TRPC5: variants seen among roughly 807,000 people sequenced by gnomAD.
The protein encoded by TRPC5 is transient receptor potential cation channel subfamily C member 5, also known as short transient receptor potential channel 5.
TRPC5 carries 9 observed loss-of-function variants against 56.5 expected under a neutral mutation model. That is an observed-to-expected ratio of 0.16 (90% CI 0.10 to 0.28). The LOEUF is 0.28. Among genes scored for constraint, TRPC5 ranks in the 10% least tolerant of loss-of-function variants. TRPC5 has a pLI of 1.00. For missense variants in TRPC5, 469 were observed against 748.9 expected (o/e 0.63, Z 4.36); for synonymous variants, 282 against 278.5 (o/e 1.01, Z -0.13).
chrX:111,793,420 C>T (rs775502836), intron 7 of TRPC5, among the ~76,000 whole-genome samples: 4 of 112,153 alleles, frequency 3.6e-5, no homozygotes, highest in African/African-American at 1.3e-4. Context: ...GAAGAAGATA[C>T]ATAAATGGAC....
At chrX:111,796,949 T>C (rs1921117882) in intron 7 of TRPC5, among the ~76,000 whole-genome samples, 1 of 112,432 alleles carries the variant, frequency 8.9e-6, no homozygotes, top group African/African-American at 3.2e-5. Flanking sequence ...GCTGCTGTGC[T>C]GTTAAAAAAT....
intron 1 of TRPC5, among the ~76,000 whole-genome samples, chrX:112,011,440 T>G (rs770020084): frequency 1.8e-5 from 2 of 112,084 alleles, no homozygotes; most frequent in East Asian, 5.6e-4. Context: ...ATTTGCTGCC[T>G]CTTATCAGCT....
intron 3 of TRPC5, among the ~76,000 whole-genome samples, chrX:111,887,714 GA>G (rs1350348877): frequency 8.9e-6 from 1 of 111,806 alleles, no homozygotes; most frequent in Non-Finnish European, 1.9e-5. Context: ...GAAAGCACTA[GA>G]AACATAAAAC....
intron 1 of TRPC5, among the ~76,000 whole-genome samples, chrX:112,008,599 CAAA>C (rs771663324): frequency 0.05 from 3,709 of 73,978 alleles, 211 homozygotes; most frequent in African/African-American, 0.16. Flanking sequence ...GACTCTGTCT[CAAA>C]AAAAAAAAAA....
chrX:111,783,719 T>G (rs1276008380), intron 7 of TRPC5, among the ~76,000 whole-genome samples: 1 of 111,134 alleles, frequency 9.0e-6, no homozygotes, highest in African/African-American at 3.3e-5. Flanking sequence ...TGTCTTTTCA[T>G]TCTCTTAATG....
intron 1 of TRPC5, among the ~76,000 whole-genome samples, chrX:112,074,508 T>A (rs192753809): frequency 9.0e-6 from 1 of 110,631 alleles, no homozygotes; most frequent in African/African-American, 3.3e-5. Flanking sequence ...ATTTCTTTTT[T>A]TAAAATCTCC....
At chrX:111,804,961 T>A (rs1260007834) in intron 7 of TRPC5, among the ~76,000 whole-genome samples, 4 of 112,146 alleles carry the variant, frequency 3.6e-5, no homozygotes, top group Non-Finnish European at 5.6e-5. Context: ...GTTTTTGCAC[T>A]TTCAGAATGA....
At chrX:111,793,487 A>AACCAC (rs756082132) in intron 7 of TRPC5, among the ~76,000 whole-genome samples, 3 of 111,924 alleles carry the variant, frequency 2.7e-5, no homozygotes, top group Non-Finnish European at 5.6e-5. Flanking sequence ...TTCAAATCAA[A>AACCAC]ACCACAATGA....
chrX:111,797,655 C>A (rs2148558447), intron 7 of TRPC5, among the ~76,000 whole-genome samples: 1 of 111,976 alleles, frequency 8.9e-6, no homozygotes, highest in African/African-American at 3.2e-5. Flanking sequence ...TTTATTTCAA[C>A]ATTTCTTTCT....
chrX:111,790,333 C>T lies in TRPC5; in HGVS notation c.1897-8195G>A, dbSNP rs779059830. On this transcript the variant is annotated intron_variant, in intron 7 of 10. Transcript: ENST00000262839. ...GACAGAAAACCACACACTGCATGTTCTCACTCATAGGTGGGAATTGAACAA... is the reference window on the plus strand; with the variant it reads ...GACAGAAAACCACACACTGCATGTTTTCACTCATAGGTGGGAATTGAACAA... 2.7e-5 allele frequency among the ~76,000 whole-genome samples: 3 copies of T among 111,340 alleles called. No homozygotes were observed. In the South Asian group the frequency reaches 1.2e-3, roughly 44 times the overall value.
intron 3 of TRPC5, chrX:111,881,867 A>G (rs1329630865): frequency 1.8e-5 from 2 of 110,939 alleles, no homozygotes; most frequent in East Asian, 5.7e-4. Flanking sequence ...GCCGAGATAG[A>G]AATATACTTC....
intron 1 of TRPC5, among the ~76,000 whole-genome samples, chrX:111,964,907 C>T (rs1281257487): frequency 5.4e-5 from 6 of 111,950 alleles, no homozygotes; most frequent in Admixed American, 9.5e-5. Flanking sequence ...TAGGAAGAAA[C>T]TGCATCAACT....
Position 111,919,098 on chromosome X carries a change from A to T in TRPC5, c.379-6286T>A, listed in dbSNP as rs538904840. 4.5e-4 allele frequency among the ~76,000 whole-genome samples: 50 copies of T among 111,483 alleles called. No homozygotes were observed. The South Asian group carries it at 7.3e-3, about 16-fold the overall frequency. On this transcript the variant is annotated intron_variant, in intron 2 of 10. Coordinates refer to ENST00000262839, the MANE Select transcript of TRPC5 (RefSeq NM_012471.3). Reference sequence around the variant, plus strand: ...TGACTGTGTCCACACTATTTTGAGGAGGGCTTCTGAGAGGTGAAGCCAGCT... The same window carrying T: ...TGACTGTGTCCACACTATTTTGAGGTGGGCTTCTGAGAGGTGAAGCCAGCT...
At chrX:111,944,303 T>TGAGAGAGA (rs774055316) in intron 2 of TRPC5, among the ~76,000 whole-genome samples, 4 of 61,379 alleles carry the variant, frequency 6.5e-5, no homozygotes, top group African/African-American at 3.2e-4. Context: ...TGTGTGTGTG[T>TGAGAGAGA]GAGAGAGAGA....
intron 1 of TRPC5, among the ~76,000 whole-genome samples, chrX:111,997,934 A>G (rs1417305350): frequency 1.8e-5 from 2 of 111,196 alleles, no homozygotes; most frequent in Admixed American, 1.9e-4. Context: ...AATGGGTTCA[A>G]ACATCCTCCT....
chrX:111,866,782 A>T (rs1265109642), intron 3 of TRPC5, among the ~76,000 whole-genome samples: 2 of 112,478 alleles, frequency 1.8e-5, no homozygotes, highest in Non-Finnish European at 3.8e-5. Flanking sequence ...GCCCCTCACC[A>T]GTCTACTGTA....
At chrX:111,782,553 A>G in intron 7 of TRPC5, among the ~76,000 whole-genome samples, 1 of 111,365 alleles carries the variant, frequency 9.0e-6, no homozygotes, top group Non-Finnish European at 1.9e-5. Context: ...AGAGCACAAC[A>G]TATATTATGT....
In TRPC5 at chrX:111,854,229, G is replaced by T. The variant is rs1603058091; in HGVS notation, c.901-123C>A. Reference sequence around the variant, plus strand: ...GTTACATGGCCAATCCCCAGAAGAGGCCTGTTTTCTAGGTGCCTGTGAATG... The same window carrying T: ...GTTACATGGCCAATCCCCAGAAGAGTCCTGTTTTCTAGGTGCCTGTGAATG... On this transcript the variant is annotated intron_variant, in intron 3 of 10. Coordinates refer to ENST00000262839, the MANE Select transcript of TRPC5 (RefSeq NM_012471.3). 8 of 708,592 alleles carry T rather than the reference G, an allele frequency of 1.1e-5. No individual in the cohort carries two copies. In the East Asian group the frequency reaches 2.8e-4, roughly 25 times the overall value. The allele number at this position is 708,592 out of a possible 1,213,427, so 58.4% of individuals were successfully genotyped here. A position where few individuals can be genotyped will look rare whatever the true frequency, so the allele number is the denominator to read the frequency against.
intron 3 of TRPC5, among the ~76,000 whole-genome samples, chrX:111,877,905 T>G (rs1924031386): frequency 9.0e-6 from 1 of 111,169 alleles, no homozygotes; most frequent in Non-Finnish European, 1.9e-5. Context: ...AGCGAAATTT[T>G]TAAAAGATGA....
Sources: gnomAD v4.1 joint callset for allele counts (sites outside exome capture counted in the v4.1 genomes callset) on GRCh38, gnomAD v4.1.1 for gene constraint, MANE v1.5 for transcripts, NCBI Gene and HGNC (gene_info 2026-07-23, HGNC 2026-07-21) for gene names.